NALCN: variants seen among roughly 807,000 people sequenced by gnomAD.
NALCN encodes sodium leak channel NALCN.
A neutral mutation model predicts 225.3 loss-of-function variants in NALCN; 111 were observed. The ratio of observed to expected loss-of-function variants is 0.49; its 90% confidence interval spans 0.42 to 0.58. The LOEUF is 0.58. Ranked by LOEUF, NALCN falls within the 20% of genes least tolerant of loss-of-function variation. The pLI is 0.00. For synonymous variants in NALCN, 764 were observed against 769.0 expected (o/e 0.99, Z 0.11); for missense variants, 1,378 against 2,202.4 (o/e 0.63, Z 7.49).
intron 14 of NALCN, among the ~76,000 whole-genome samples, chr13:101,189,957 G>A (rs1254344996): frequency 1.3e-5 from 2 of 152,076 alleles, no homozygotes; most frequent in Non-Finnish European, 2.9e-5. Context: ...TATAACCAAT[G>A]CCATATTTTA....
chr13:101,095,701 G>T, intron 27 of NALCN, 21 bp from the exon 28 acceptor site: 1 of 1,576,068 alleles, frequency 6.3e-7, no homozygotes. Flanking sequence ...AAAACAAGAG[G>T]AGAGGGGAAA....
chr13:101,196,656 C>T (rs988105666), intron 13 of NALCN, among the ~76,000 whole-genome samples: 8 of 152,146 alleles, frequency 5.3e-5, no homozygotes, highest in African/African-American at 1.9e-4. Flanking sequence ...TTAGCTGAGG[C>T]TGTGTATGGG....
chr13:101,324,608 T>A (rs1566577314), intron 7 of NALCN, among the ~76,000 whole-genome samples: 1 of 152,168 alleles, frequency 6.6e-6, no homozygotes, highest in Non-Finnish European at 1.5e-5. Context: ...ATGCTTGTGA[T>A]TTTTGCACAT....
intron 34 of NALCN, among the ~76,000 whole-genome samples, chr13:101,081,054 A>C (rs1342146102): frequency 6.6e-6 from 1 of 152,200 alleles, no homozygotes; most frequent in Non-Finnish European, 1.5e-5. Context: ...ATAGAAAATG[A>C]AACAGTGGAA....
intron 7 of NALCN, among the ~76,000 whole-genome samples, chr13:101,335,156 C>G (rs1170026090): frequency 6.6e-6 from 1 of 152,154 alleles, no homozygotes; most frequent in African/African-American, 2.4e-5. Context: ...AAAAACTCCT[C>G]TAGTCACTAT....
intron 22 of NALCN, among the ~76,000 whole-genome samples, chr13:101,106,453 C>T (rs2035106881): frequency 6.6e-6 from 1 of 152,164 alleles, no homozygotes; most frequent in Non-Finnish European, 1.5e-5. Context: ...ATAATGGGAA[C>T]ATGGAAAGTT....
intron 6 of NALCN, among the ~76,000 whole-genome samples, chr13:101,358,161 G>A (rs1474472399): frequency 6.6e-6 from 1 of 152,050 alleles, no homozygotes; most frequent in Non-Finnish European, 1.5e-5. Flanking sequence ...GCAATGGCAA[G>A]AAAAGCCAAA....
chr13:101,280,855 T>C (rs189061202), intron 10 of NALCN, among the ~76,000 whole-genome samples: 1 of 150,294 alleles, frequency 6.7e-6, no homozygotes, highest in African/African-American at 2.4e-5. Context: ...TCATCCTTAG[T>C]CATTCTTTTC....
chr13:101,339,823 C>T (rs1286645308), intron 7 of NALCN, among the ~76,000 whole-genome samples: 1 of 152,068 alleles, frequency 6.6e-6, no homozygotes, highest in African/African-American at 2.4e-5. Context: ...GGTACAAGCA[C>T]AGAAGTCAGG....
At chr13:101,116,997 T>C (rs770267132) in intron 18 of NALCN, 13 of 513,464 alleles carry the variant, frequency 2.5e-5, no homozygotes, top group African/African-American at 2.5e-4. Flanking sequence ...TCGTCGGTAA[T>C]GGCCTCTTGC....
intron 34 of NALCN, among the ~76,000 whole-genome samples, chr13:101,079,992 G>A (rs2033519723): frequency 6.6e-6 from 1 of 152,194 alleles, no homozygotes; most frequent in Non-Finnish European, 1.5e-5. Context: ...TATTCCTTGG[G>A]ATGAGATCAA....
intron 7 of NALCN, among the ~76,000 whole-genome samples, chr13:101,302,492 G>A (rs1401446261): frequency 6.6e-6 from 1 of 152,020 alleles, no homozygotes; most frequent in Admixed American, 6.6e-5. Flanking sequence ...GAGTGATAGG[G>A]ACCAAATGTA....
chr13:101,374,272 CTTTTTTT>C (rs869167949), intron 6 of NALCN, among the ~76,000 whole-genome samples: 10 of 119,904 alleles, frequency 8.3e-5, no homozygotes, highest in Non-Finnish European at 1.2e-4. Context: ...AAATTTCTTT[CTTTTTTT>C]TTTTTTTTTT....
At chr13:101,193,137 G>T (rs1028563169) in intron 13 of NALCN, among the ~76,000 whole-genome samples, 1 of 150,274 alleles carries the variant, frequency 6.7e-6, no homozygotes, top group Non-Finnish European at 1.5e-5. Context: ...GGAAAATGAG[G>T]CTCAAAGATG....
intron 15 of NALCN, among the ~76,000 whole-genome samples, chr13:101,156,049 T>C (rs2037885336): frequency 6.6e-6 from 1 of 152,232 alleles, no homozygotes; most frequent in South Asian, 2.1e-4. Flanking sequence ...TGACTATTTA[T>C]TGTATTCTTT....
chr13:101,260,945 G>C (rs1003701821), intron 10 of NALCN, among the ~76,000 whole-genome samples: 1 of 152,062 alleles, frequency 6.6e-6, no homozygotes, highest in African/African-American at 2.4e-5. Context: ...TAAAATCTTT[G>C]CCCAGTCCAA....
chr13:101,164,494 T>C (rs995980574), intron 15 of NALCN, among the ~76,000 whole-genome samples: 1 of 152,190 alleles, frequency 6.6e-6, no homozygotes, highest in African/African-American at 2.4e-5. Context: ...TCTCACTATA[T>C]TGCCCAGGTT....
Position 101,117,238 on chromosome 13 carries a change from G to A in NALCN, c.2193-6012C>T, listed in dbSNP as rs576679026. On this transcript the variant is annotated intron_variant, in intron 18 of 43. Coordinates refer to ENST00000251127, the MANE Select transcript of NALCN (RefSeq NM_052867.4). ...TAAACCTTGAATGTCTTTATCTTAC[G>A]CACTTATACCCATACTATAAACAAA... Among the ~76,000 whole-genome samples, 19 of 152,194 alleles carry A rather than the reference G, an allele frequency of 1.2e-4. No individual in the cohort carries two copies. In the South Asian group the frequency reaches 2.9e-3, roughly 23 times the overall value.
chr13:101,130,291 T>C (rs538939786), intron 17 of NALCN, among the ~76,000 whole-genome samples: 3 of 152,186 alleles, frequency 2.0e-5, no homozygotes, highest in African/African-American at 7.2e-5. Flanking sequence ...CCAAGAAAAC[T>C]ACTGAATATC....
Sources: gnomAD v4.1 joint callset for allele counts (sites outside exome capture counted in the v4.1 genomes callset) on GRCh38, gnomAD v4.1.1 for gene constraint, MANE v1.5 for transcripts, NCBI Gene and HGNC (gene_info 2026-07-23, HGNC 2026-07-21) for gene names.